Variants in RAB3B observed in about 807,000 individuals in gnomAD.
The protein encoded by RAB3B is RAB3B, member RAS oncogene family.
Under a neutral mutation model 20.5 loss-of-function variants are expected in RAB3B, and 11 were observed. That is an observed-to-expected ratio of 0.54 (90% CI 0.34 to 0.89). The LOEUF is 0.89. Ranked by LOEUF, RAB3B falls within the 40% of genes least tolerant of loss-of-function variation. The pLI is 0.02. For synonymous variants in RAB3B, 99 were observed against 106.3 expected, an observed-to-expected ratio of 0.93 and a Z score of 0.42; for missense variants, 225 against 280.9, an observed-to-expected ratio of 0.80 and a Z score of 1.42.
At chr1:51,939,121 A>T (rs1684454189) in intron 2 of RAB3B, among the ~76,000 whole-genome samples, 2 of 152,240 alleles carry the variant, frequency 1.3e-5, no homozygotes, top group Admixed American at 1.3e-4. Context: ...CAAAGACAAG[A>T]CCAACAGCAA....
chr1:51,912,533 C>T lies in RAB3B; in HGVS notation c.*7394G>A, dbSNP rs1684014651. 3.6e-5 allele frequency: 3 copies of T among 82,834 alleles called. No homozygotes were observed. The highest frequency in any genetic ancestry group is 1.6e-4 in the African/African-American group (3 of 19,026). The allele number at this position is 82,834 out of a possible 1,614,324, so 5.1% of individuals were successfully genotyped here. On this transcript the variant is annotated 3_prime_UTR_variant, in exon 5 of 5. Transcript: ENST00000371655. ...ACCAGCTTGGGCAACATAGCAAGAC[C>T]GTCTCTATTAAAAAAAAAAAAATAT... is the stretch of plus-strand genomic sequence containing the variant.
In RAB3B at chr1:51,914,487, C is replaced by T. The variant is rs558416296; in HGVS notation, c.*5440G>A. Reference sequence around the variant, plus strand: ...GTCTATACTAAATCATGAAGCTATACGTTTCATGAAAGCAAGAACTGTGTC... The same window carrying T: ...GTCTATACTAAATCATGAAGCTATATGTTTCATGAAAGCAAGAACTGTGTC... On this transcript the variant is annotated 3_prime_UTR_variant, in exon 5 of 5. Transcript: ENST00000371655. 3.3e-5 allele frequency: 5 copies of T among 152,226 alleles called. No individual in the cohort carries two copies. The highest frequency in any genetic ancestry group is 7.2e-5 in the African/African-American group (3 of 41,538). The allele number at this position is 152,226 out of a possible 1,614,324, so 9.4% of individuals were successfully genotyped here. A position where few individuals can be genotyped will look rare whatever the true frequency, so the allele number is the denominator to read the frequency against.
rs1164056228 is a variant in RAB3B at position 51,910,723 on chromosome 1, G to T, written c.*9204C>A. ...GGCATCAGCACCAAGAGAGCCTGTA[G>T]AAACTATCTGGTCTAAGCTCCTGAA... On this transcript the variant is annotated 3_prime_UTR_variant, in exon 5 of 5. Coordinates refer to ENST00000371655, the MANE Select transcript of RAB3B (RefSeq NM_002867.4). 6.6e-6 allele frequency: 1 copy of T among 152,156 alleles called. No homozygotes were observed. Among genetic ancestry groups the T allele is most frequent in the Non-Finnish European group, 1.5e-5 (1 of 68,040 alleles). 9.4% of individuals were successfully genotyped at this position (152,156 alleles called of 1,614,324 possible). A position where few individuals can be genotyped will look rare whatever the true frequency, so the allele number is the denominator to read the frequency against.
intron 1 of RAB3B, among the ~76,000 whole-genome samples, chr1:51,984,836 A>G (rs1004046777): frequency 2.0e-5 from 3 of 152,160 alleles, no homozygotes; most frequent in Non-Finnish European, 4.4e-5. Context: ...ATCTTCTTTT[A>G]TCTCTAAATA....
chr1:51,938,875 G>A (rs1279450511), intron 2 of RAB3B, among the ~76,000 whole-genome samples: 1 of 151,956 alleles, frequency 6.6e-6, no homozygotes, highest in Non-Finnish European at 1.5e-5. Flanking sequence ...TGCCCAGGCT[G>A]GTCTCAAACT....
At chr1:51,942,678 G>GAAT (rs1265222789) in intron 2 of RAB3B, among the ~76,000 whole-genome samples, 3 of 152,080 alleles carry the variant, frequency 2.0e-5, no homozygotes, top group Admixed American at 1.3e-4. Flanking sequence ...TATGAAGCGG[G>GAAT]AATAATAATA....
At chr1:51,937,142 T>G in intron 3 of RAB3B, 152 bp downstream of exon 3, 1 of 545,208 alleles carries the variant, frequency 1.8e-6, no homozygotes, top group Non-Finnish European at 3.2e-6. Context: ...TTCCTGCTTA[T>G]GGATCTGTCT....
At chr1:51,970,844 A>ACT (rs1684919731) in intron 2 of RAB3B, among the ~76,000 whole-genome samples, 1 of 150,536 alleles carries the variant, frequency 6.6e-6, no homozygotes, top group Non-Finnish European at 1.5e-5. Flanking sequence ...TCTCTACTAA[A>ACT]AATACAAAAA....
At chr1:51,976,862 A>T (rs1394398375) in intron 2 of RAB3B, 28 bp downstream of exon 2, 4 of 1,600,760 alleles carry the variant, frequency 2.5e-6, no homozygotes, top group Non-Finnish European at 3.4e-6. Context: ...TTCTCAGGAA[A>T]ATCCTGCCCA....
intron 4 of RAB3B, among the ~76,000 whole-genome samples, chr1:51,926,076 A>G (rs1684240232): frequency 6.6e-6 from 1 of 152,164 alleles, no homozygotes; most frequent in African/African-American, 2.4e-5. Context: ...AGCTACCATC[A>G]CAGGAGGCTG....
rs1684135142 is a variant in RAB3B at position 51,919,298 on chromosome 1, A to C, written c.*629T>G. The C allele has an allele frequency of 6.6e-6, 1 of 152,506 alleles. No homozygotes were observed. The highest frequency in any genetic ancestry group is 6.5e-5 in the Admixed American group (1 of 15,292). The allele number at this position is 152,506 out of a possible 1,614,324, so 9.4% of individuals were successfully genotyped here. On this transcript the variant is annotated 3_prime_UTR_variant, in exon 5 of 5. Transcript: ENST00000371655. ...GCGCCCGGCCAATCCTTTTCTCTTA[A>C]GTGTGTTTCTGACTCAGCCTTTGCT... is the stretch of plus-strand genomic sequence containing the variant.
intron 1 of RAB3B, among the ~76,000 whole-genome samples, chr1:51,978,971 C>G (rs1685046693): frequency 6.6e-6 from 1 of 152,230 alleles, no homozygotes; most frequent in South Asian, 2.1e-4. Flanking sequence ...TATGTCACCA[C>G]TGGACTCCTG....
intron 2 of RAB3B, among the ~76,000 whole-genome samples, chr1:51,962,194 G>T (rs1033294772): frequency 6.6e-6 from 1 of 152,188 alleles, no homozygotes; most frequent in South Asian, 2.1e-4. Flanking sequence ...GATAATAACA[G>T]CACCTAGTTC....
At chr1:51,928,235 T>C (rs1261067122) in intron 4 of RAB3B, among the ~76,000 whole-genome samples, 1 of 152,006 alleles carries the variant, frequency 6.6e-6, no homozygotes, top group Non-Finnish European at 1.5e-5. Context: ...GCCTCTCGAG[T>C]AGCTGGGATT....
chr1:51,923,671 C>T (rs933912464), intron 4 of RAB3B, among the ~76,000 whole-genome samples: 8 of 149,834 alleles, frequency 5.3e-5, no homozygotes, highest in African/African-American at 1.2e-4. Flanking sequence ...GCTGAGATTG[C>T]GCCACTGCAC....
intron 2 of RAB3B, among the ~76,000 whole-genome samples, chr1:51,949,255 G>C (rs4557910): frequency 0.84 from 128,039 of 152,218 alleles, 54,713 homozygotes; most frequent in East Asian, 1. Context: ...ATGCCCTTGC[G>C]TTCTATAATT....
intron 1 of RAB3B, among the ~76,000 whole-genome samples, chr1:51,989,728 C>A (rs528005582): frequency 2.6e-5 from 4 of 151,852 alleles, no homozygotes; most frequent in Non-Finnish European, 4.4e-5. Context: ...CGGCTCCCTG[C>A]CCCCTTCCTC....
intron 2 of RAB3B, among the ~76,000 whole-genome samples, chr1:51,956,162 C>T (rs145488821): frequency 5.9e-4 from 90 of 152,242 alleles, no homozygotes; most frequent in African/African-American, 2.1e-3. Context: ...GTGCACCCTG[C>T]GCCTTGGATT....
Position 51,977,022 on chromosome 1 carries a change from A to G in RAB3B, c.96T>C (p.Ser32=). 1 of 1,614,198 alleles carries G rather than the reference A, an allele frequency of 6.2e-7. No homozygotes were observed. The highest frequency in any genetic ancestry group is 8.5e-7 in the Non-Finnish European group (1 of 1,180,038). Residue 32 remains serine (S), a synonymous_variant, in exon 2 of 5, where the codon AGT becomes AGC. Transcript: ENST00000371655. ...GGAAGAGGAAGGAGGTCTTGCCAACACTGCTGTTGCCAATGATAAGCAGTT... is the reference window on the plus strand; with the variant it reads ...GGAAGAGGAAGGAGGTCTTGCCAACGCTGCTGTTGCCAATGATAAGCAGTT... ...MFKLLIIGNS[S]VGKTSFLFRY...
Sources: allele counts gnomAD v4.1 joint callset (sites outside exome capture counted in the v4.1 genomes callset), GRCh38; gene constraint gnomAD v4.1.1; transcripts MANE v1.5; gene names NCBI Gene and HGNC (gene_info 2026-07-23, HGNC 2026-07-21).